The following SCFD2 variants were observed in gnomAD, a reference collection of about 807,000 sequenced individuals.
The protein encoded by SCFD2 is sec1 family domain-containing protein 2.
Under a neutral mutation model 58.9 loss-of-function variants are expected in SCFD2, and 54 were observed. The ratio of observed to expected loss-of-function variants is 0.92; its 90% CI spans 0.74 to 1.15. The LOEUF (loss-of-function observed/expected upper bound fraction) is 1.15, where lower values mean the gene tolerates loss of function less well. Among genes scored for constraint, SCFD2 ranks in the 50% most tolerant of loss-of-function variants. The pLI is 0.00. For missense variants in SCFD2, 805 were observed against 836.6 expected, an observed-to-expected ratio of 0.96 and a Z score of 0.47; for synonymous variants, 321 against 335.9, an observed-to-expected ratio of 0.96 and a Z score of 0.49.
intron 5 of SCFD2, among the ~76,000 whole-genome samples, chr4:52,964,722 A>G (rs1338317989): frequency 6.7e-6 from 1 of 150,234 alleles, no homozygotes; most frequent in Non-Finnish European, 1.5e-5. Flanking sequence ...ATACACAAGG[A>G]CTCAGAAGCG....
chr4:53,181,803 C>T (rs544097150), intron 4 of SCFD2, among the ~76,000 whole-genome samples: 1 of 152,204 alleles, frequency 6.6e-6, no homozygotes, highest in African/African-American at 2.4e-5. Context: ...GCAACTTCAG[C>T]AAAGTCTCAG....
chr4:53,352,115 C>A (rs1256415042), intron 2 of SCFD2, among the ~76,000 whole-genome samples: 1 of 152,124 alleles, frequency 6.6e-6, no homozygotes, highest in East Asian at 1.9e-4. Context: ...ATAATCTTCT[C>A]TCTTTGATTC....
Position 52,887,952 on chromosome 4 carries a change from G to A in SCFD2, c.1843-2086C>T, listed in dbSNP as rs374683242. Among the ~76,000 whole-genome samples the A allele has an allele frequency of 3.4e-4, 46 of 134,186 alleles. No individual in the cohort carries two copies. The South Asian group carries it at 8.3e-3, about 24-fold the overall frequency. The allele number at this position is 134,186 out of a possible 152,430, so 88.0% of individuals were successfully genotyped here. On this transcript the variant is annotated intron_variant, in intron 7 of 8. Transcript: ENST00000401642. ...GGAGTCTCGCTCTGTCGCCCAGGCCGGACTGCGGACTGCAGTGGTGCGATC... is the reference window on the plus strand; with the variant it reads ...GGAGTCTCGCTCTGTCGCCCAGGCCAGACTGCGGACTGCAGTGGTGCGATC...
At chr4:52,988,309 C>T (rs1448799779) in intron 5 of SCFD2, among the ~76,000 whole-genome samples, 2 of 152,140 alleles carry the variant, frequency 1.3e-5, no homozygotes, top group African/African-American at 4.8e-5. Context: ...AAAGTTATGG[C>T]CTCACCCAAA....
At chr4:53,123,669 A>C (rs1214521484) in intron 5 of SCFD2, among the ~76,000 whole-genome samples, 1 of 152,154 alleles carries the variant, frequency 6.6e-6, no homozygotes, top group Non-Finnish European at 1.5e-5. Context: ...CTCTCACCCC[A>C]CTCATTGACC....
intron 5 of SCFD2, among the ~76,000 whole-genome samples, chr4:53,088,926 G>A (rs1336342046): frequency 6.6e-6 from 1 of 152,098 alleles, no homozygotes; most frequent in East Asian, 1.9e-4. Flanking sequence ...GGGCACTTTG[G>A]TAGGTGATAA....
chr4:53,191,690 C>A (rs1262190295), intron 4 of SCFD2, among the ~76,000 whole-genome samples: 2 of 152,190 alleles, frequency 1.3e-5, no homozygotes, highest in East Asian at 3.9e-4. Context: ...TAGGCGTGAG[C>A]CACCGCGCCT....
At chr4:53,048,478 G>A (rs1322623062) in intron 5 of SCFD2, among the ~76,000 whole-genome samples, 3 of 152,212 alleles carry the variant, frequency 2.0e-5, no homozygotes, top group Non-Finnish European at 4.4e-5. Flanking sequence ...GCTCATGCCT[G>A]TAATCCCAGC....
chr4:53,077,062 G>T (rs1319525985), intron 5 of SCFD2, among the ~76,000 whole-genome samples: 1 of 152,106 alleles, frequency 6.6e-6, no homozygotes, highest in African/African-American at 2.4e-5. Flanking sequence ...TTCCTATAAG[G>T]AAGAACACTC....
At chr4:53,302,283 C>G (rs9762074) in intron 3 of SCFD2, among the ~76,000 whole-genome samples, 17,263 of 152,136 alleles carry the variant, frequency 0.11, 1,066 homozygotes, top group East Asian at 0.22. Context: ...GTGCAAAAAT[C>G]ACAAGCATTC....
chr4:53,233,852 A>T (rs1301874430), intron 4 of SCFD2, among the ~76,000 whole-genome samples: 1 of 148,496 alleles, frequency 6.7e-6, no homozygotes, highest in Admixed American at 6.7e-5. Context: ...TGTAGGTCTC[A>T]TGAGTGTCCA....
intron 5 of SCFD2, among the ~76,000 whole-genome samples, chr4:52,968,191 G>A (rs377063298): frequency 3.9e-5 from 6 of 152,278 alleles, no homozygotes; most frequent in East Asian, 1.9e-4. Flanking sequence ...CATTTAGACC[G>A]GGGCTACTGT....
chr4:53,343,081 TAGA>T (rs1039241753), intron 2 of SCFD2, among the ~76,000 whole-genome samples: 1 of 151,994 alleles, frequency 6.6e-6, no homozygotes, highest in African/African-American at 2.4e-5. Flanking sequence ...ATTCAAAAGC[TAGA>T]AGAAGGCAAG....
At chr4:53,104,355 T>C (rs1346542969) in intron 5 of SCFD2, among the ~76,000 whole-genome samples, 1 of 152,130 alleles carries the variant, frequency 6.6e-6, no homozygotes, top group Non-Finnish European at 1.5e-5. Flanking sequence ...ATCAGACTCA[T>C]CCCAGCTAAG....
chr4:53,237,789 T>C (rs1192546948), intron 4 of SCFD2, among the ~76,000 whole-genome samples: 1 of 61,608 alleles, frequency 1.6e-5, no homozygotes. Context: ...CCCACCTCCA[T>C]CCCGGACGGG....
chr4:52,967,612 C>T (rs1446714030), intron 5 of SCFD2, among the ~76,000 whole-genome samples: 1 of 152,166 alleles, frequency 6.6e-6, no homozygotes, highest in Non-Finnish European at 1.5e-5. Flanking sequence ...CCTGGTGTTC[C>T]TTCCATGGGA....
At chr4:53,021,858 C>A (rs1216732726) in intron 5 of SCFD2, among the ~76,000 whole-genome samples, 1 of 152,162 alleles carries the variant, frequency 6.6e-6, no homozygotes, top group Non-Finnish European at 1.5e-5. Context: ...GCATCCCTAA[C>A]CTTGGCCCTG....
intron 5 of SCFD2, among the ~76,000 whole-genome samples, chr4:53,060,920 C>T (rs2148840071): frequency 6.6e-6 from 1 of 152,220 alleles, no homozygotes; most frequent in African/African-American, 2.4e-5. Context: ...GGAATTGCTG[C>T]TTTACTGGGT....
chr4:53,073,918 G>A (rs1457210241), intron 5 of SCFD2, among the ~76,000 whole-genome samples: 4 of 152,136 alleles, frequency 2.6e-5, no homozygotes, highest in African/African-American at 4.8e-5. Flanking sequence ...CCTTGATGTT[G>A]ATGGCTGCTG....
Sources: gnomAD v4.1 joint callset for allele counts (sites outside exome capture counted in the v4.1 genomes callset) on GRCh38, gnomAD v4.1.1 for gene constraint, MANE v1.5 for transcripts, NCBI Gene and HGNC (gene_info 2026-07-23, HGNC 2026-07-21) for gene names.